KIAA1328: variants seen among roughly 807,000 people sequenced by gnomAD.
The protein encoded by KIAA1328 is KIAA1328, also known as protein hinderin.
Under a neutral mutation model 68.1 loss-of-function variants are expected in KIAA1328, and 52 were observed. The ratio of observed to expected loss-of-function variants is 0.76; its 90% CI spans 0.61 to 0.96. The LOEUF is 0.96. KIAA1328 is among the 40% of genes least tolerant of loss of function. KIAA1328 has a pLI of 0.00. For synonymous variants in KIAA1328, 232 were observed against 239.4 expected, an observed-to-expected ratio of 0.97 and a Z score of 0.28; for missense variants, 641 against 677.6, an observed-to-expected ratio of 0.95 and a Z score of 0.60.
chr18:37,193,472 G>A (rs1296931800), intron 9 of KIAA1328: 9 of 634,130 alleles, frequency 1.4e-5, no homozygotes, highest in Admixed American at 2.5e-5. Flanking sequence ...TACCAAAAAG[G>A]TTAAGAAAAA....
At position 36,885,640 on chromosome 18, in the gene KIAA1328, A is replaced by C; in HGVS notation, c.416A>C (p.Glu139Ala). ...GAGAAGAAGATCAGGCAGTTGGAAG[A>C]ACAGAATGAACTGATCATCAAAGAA... Reference protein sequence around the residue: ...SFEKKIRQLEEQNELIIKERE... With the variant: ...SFEKKIRQLEAQNELIIKERE... The change falls in exon 5 of 10, where the codon GAA (glutamate) becomes GCA (alanine). Residue 139 changes from glutamate to alanine, a missense_variant. Transcript: ENST00000280020. The C allele has an allele frequency of 6.3e-7, 1 of 1,596,390 alleles. No individual in the cohort carries two copies. The highest frequency in any genetic ancestry group is 8.5e-7 in the Non-Finnish European group (1 of 1,170,366).
intron 1 of KIAA1328, among the ~76,000 whole-genome samples, chr18:36,831,667 T>C (rs890942597): frequency 2.0e-5 from 3 of 152,152 alleles, no homozygotes; most frequent in African/African-American, 4.8e-5. Flanking sequence ...AGTTTTCAAA[T>C]GGAAACAAAG....
chr18:36,854,784 C>CA (rs1021282263), intron 4 of KIAA1328, among the ~76,000 whole-genome samples: 4 of 152,128 alleles, frequency 2.6e-5, no homozygotes, highest in African/African-American at 7.2e-5. Flanking sequence ...TTCATCCCTC[C>CA]AAAAAAATCT....
chr18:37,054,365 T>C (rs557092850), intron 6 of KIAA1328, among the ~76,000 whole-genome samples: 2 of 152,292 alleles, frequency 1.3e-5, no homozygotes, highest in Admixed American at 6.5e-5. Context: ...TGCACTCATA[T>C]GTTTATTGCA....
chr18:36,903,591 A>T (rs868440373), intron 5 of KIAA1328: 6 of 152,150 alleles, frequency 3.9e-5, no homozygotes, highest in Non-Finnish European at 5.9e-5. Context: ...AGAACTCTGT[A>T]TTGTGTGCAA....
chr18:37,007,687 T>G (rs1372107345), intron 6 of KIAA1328, among the ~76,000 whole-genome samples: 1 of 152,160 alleles, frequency 6.6e-6, no homozygotes, highest in Non-Finnish European at 1.5e-5. Flanking sequence ...CAATAAAACC[T>G]TCTAACTAAA....
Position 36,956,545 on chromosome 18 carries a change from G to C in KIAA1328, c.449-2763G>C, listed in dbSNP as rs1022336717. Reference sequence around the variant, plus strand: ...CATTGTGCTAAGGAGGAAGGAAGTGGGGGGGGGGTGCATTTAGAAATCTGC... The same window carrying C: ...CATTGTGCTAAGGAGGAAGGAAGTGCGGGGGGGGTGCATTTAGAAATCTGC... On this transcript the variant is annotated intron_variant, in intron 5 of 9. Transcript: ENST00000280020. Among the ~76,000 whole-genome samples, 6 of 147,134 alleles carry C rather than the reference G, an allele frequency of 4.1e-5. No homozygotes were observed. In the East Asian group the frequency reaches 1.2e-3, roughly 29 times the overall value.
At chr18:37,200,572 G>A (rs1043681980) in intron 9 of KIAA1328, among the ~76,000 whole-genome samples, 1 of 152,026 alleles carries the variant, frequency 6.6e-6, no homozygotes, top group Non-Finnish European at 1.5e-5. Context: ...AGCACTTTGG[G>A]AGGCCGAGGC....
intron 6 of KIAA1328, among the ~76,000 whole-genome samples, chr18:37,056,346 T>C (rs2055905891): frequency 6.6e-6 from 1 of 152,186 alleles, no homozygotes; most frequent in African/African-American, 2.4e-5. Context: ...AATATTTTTC[T>C]AACTCAGAAA....
At chr18:37,141,198 CAG>C (rs1360843951) in intron 7 of KIAA1328, among the ~76,000 whole-genome samples, 2 of 152,126 alleles carry the variant, frequency 1.3e-5, no homozygotes, top group African/African-American at 2.4e-5. Context: ...CCAATTACAA[CAG>C]AAAGTATTCA....
intron 8 of KIAA1328, among the ~76,000 whole-genome samples, chr18:37,166,362 T>C (rs1303924114): frequency 6.6e-6 from 1 of 152,196 alleles, no homozygotes; most frequent in Non-Finnish European, 1.5e-5. Context: ...GGGCCATATG[T>C]GGCCCAGGAC....
chr18:37,208,485 T>G (rs2060256903), intron 9 of KIAA1328, among the ~76,000 whole-genome samples: 1 of 152,168 alleles, frequency 6.6e-6, no homozygotes, highest in South Asian at 2.1e-4. Flanking sequence ...AGGGTTAAAT[T>G]GGAGGCGAAT....
intron 6 of KIAA1328, among the ~76,000 whole-genome samples, chr18:36,962,107 G>A (rs959698511): frequency 1.3e-5 from 2 of 152,238 alleles, no homozygotes; most frequent in East Asian, 1.9e-4. Flanking sequence ...TCAAAATAAA[G>A]GGATGGAGGA....
intron 6 of KIAA1328, among the ~76,000 whole-genome samples, chr18:37,025,285 C>T (rs1733554960): frequency 6.6e-6 from 1 of 152,182 alleles, no homozygotes; most frequent in South Asian, 2.1e-4. Flanking sequence ...GAGACTTTAA[C>T]CCCCCACTGT....
chr18:37,088,962 C>T (rs2057186449), intron 7 of KIAA1328, among the ~76,000 whole-genome samples: 2 of 151,984 alleles, frequency 1.3e-5, no homozygotes, highest in South Asian at 4.2e-4. Flanking sequence ...TAATATGTAT[C>T]CTTCTAAACC....
At chr18:37,135,915 G>T (rs1454637212) in intron 7 of KIAA1328, among the ~76,000 whole-genome samples, 1 of 152,088 alleles carries the variant, frequency 6.6e-6, no homozygotes, top group Non-Finnish European at 1.5e-5. Flanking sequence ...AGGAACTCCT[G>T]TCCCTATTAC....
intron 5 of KIAA1328, among the ~76,000 whole-genome samples, chr18:36,903,453 A>T (rs1055121298): frequency 6.6e-6 from 1 of 152,098 alleles, no homozygotes; most frequent in African/African-American, 2.4e-5. Flanking sequence ...CCAGTGGGGA[A>T]GGGCAGAAGG....
At chr18:36,929,759 C>G (rs1371620419) in intron 5 of KIAA1328, among the ~76,000 whole-genome samples, 1 of 152,046 alleles carries the variant, frequency 6.6e-6, no homozygotes, top group African/African-American at 2.4e-5. Flanking sequence ...AGTTAGCAGT[C>G]TGCAGCCTGG....
At chr18:37,148,405 C>T (rs912322095) in intron 7 of KIAA1328, among the ~76,000 whole-genome samples, 1 of 152,120 alleles carries the variant, frequency 6.6e-6, no homozygotes, top group Non-Finnish European at 1.5e-5. Flanking sequence ...GATTCCATGT[C>T]TTTGCTATTG....
Sources: allele counts gnomAD v4.1 joint callset (sites outside exome capture counted in the v4.1 genomes callset), GRCh38; gene constraint gnomAD v4.1.1; transcripts MANE v1.5; gene names NCBI Gene and HGNC (gene_info 2026-07-23, HGNC 2026-07-21).